PAH: variants seen among roughly 807,000 people sequenced by gnomAD.
The protein encoded by PAH is phenylalanine hydroxylase, also known as phenylalanine-4-hydroxylase.
Under a neutral mutation model 62.0 loss-of-function variants are expected in PAH, and 64 were observed. The observed-to-expected ratio is 1.03, with a 90% CI of 0.84 to 1.27. The LOEUF (loss-of-function observed/expected upper bound fraction) is 1.27, where lower values mean the gene tolerates loss of function less well. Ranked by LOEUF, PAH falls within the 50% of genes most tolerant of loss-of-function variation. The pLI is 0.00. For synonymous variants in PAH, 195 were observed against 196.2 expected (o/e 0.99, Z 0.05); for missense variants, 579 against 542.8 (o/e 1.07, Z -0.66).
chr12:102,899,634 C>T (rs969004630), intron 2 of PAH, among the ~76,000 whole-genome samples: 13 of 151,100 alleles, frequency 8.6e-5, no homozygotes, highest in Admixed American at 5.3e-4. Flanking sequence ...CCGAGGCGGG[C>T]GGATCACGAG....
chr12:102,922,195 CTTT>C (rs550531972), upstream of PAH, among the ~76,000 whole-genome samples: 1 of 124,956 alleles, frequency 8.0e-6, no homozygotes. Context: ...TAAATCTTGC[CTTT>C]TTTTTTTTTT....
intron 4 of PAH, among the ~76,000 whole-genome samples, chr12:102,875,330 T>C (rs900503970): frequency 8.5e-5 from 13 of 152,190 alleles, no homozygotes; most frequent in African/African-American, 3.1e-4. Context: ...TGTCCATCTC[T>C]TTGCATTGGA....
chr12:102,925,718 CT>C (rs565471135), intron 1 of PAH, among the ~76,000 whole-genome samples: 33 of 152,226 alleles, frequency 2.2e-4, no homozygotes, highest in African/African-American at 7.9e-4. Context: ...ACCCAGAAAT[CT>C]AAAGATCAGC....
chr12:102,919,870 C>T (rs1448190112), upstream of PAH, among the ~76,000 whole-genome samples: 1 of 152,122 alleles, frequency 6.6e-6, no homozygotes, highest in Non-Finnish European at 1.5e-5. Context: ...GGGTTGCTTC[C>T]AGATCTTGGC....
At chr12:102,939,957 G>A (rs1194635112) in intron 1 of PAH, among the ~76,000 whole-genome samples, 1 of 152,188 alleles carries the variant, frequency 6.6e-6, no homozygotes, top group Non-Finnish European at 1.5e-5. Flanking sequence ...CTGAGAGGAT[G>A]GAGGCAAGCA....
At chr12:102,851,813 C>T in intron 7 of PAH, 57 bp from the exon 8 acceptor site, 1 of 1,298,242 alleles carries the variant, frequency 7.7e-7, no homozygotes, top group Non-Finnish European at 1.1e-6. Context: ...CCAAGCCAGA[C>T]TCAGTCTTTC....
At chr12:102,935,680 ACAGTT>A (rs1378785635) in intron 1 of PAH, among the ~76,000 whole-genome samples, 1 of 144,152 alleles carries the variant, frequency 6.9e-6, no homozygotes, top group East Asian at 1.9e-4. Context: ...TTAGTGGTGT[ACAGTT>A]GCTCATTGTA....
chr12:102,941,702 G>A (rs561867378), intron 1 of PAH, among the ~76,000 whole-genome samples: 2 of 152,060 alleles, frequency 1.3e-5, no homozygotes, highest in South Asian at 2.1e-4. Flanking sequence ...CACAAAAATA[G>A]CAGGAAACTA....
chr12:102,895,869 A>AAAAAAAAAATATATATAT (rs953209518), intron 2 of PAH, among the ~76,000 whole-genome samples: 12 of 118,714 alleles, frequency 1.0e-4, no homozygotes, highest in African/African-American at 3.9e-4. Flanking sequence ...AAAAAAAAAA[A>AAAAAAAAAATATATATAT]ATATATATAT....
In PAH at chr12:102,852,816, G is replaced by A. The variant is rs199475654; in HGVS notation, c.841C>T (p.Pro281Ser). 1 of 1,614,044 alleles carries A rather than the reference G, an allele frequency of 6.2e-7. No individual in the cohort carries two copies. Among genetic ancestry groups the A allele is most frequent in the Non-Finnish European group, 8.5e-7 (1 of 1,179,918 alleles). ...HGSKPMYTPE[P>S]DICHELLGHV... ...TGGTAGCTGGAGGACAGTACTCACGGTTCGGGGGTATACATGGGCTTGGAT... is the reference window on the plus strand; with the variant it reads ...TGGTAGCTGGAGGACAGTACTCACGATTCGGGGGTATACATGGGCTTGGAT... The change falls in exon 7 of 13, where the codon CCT becomes TCT. Residue 281 changes from proline (P) to serine (S), a missense_variant and splice_region_variant. Coordinates refer to ENST00000553106, the MANE Select transcript of PAH (RefSeq NM_000277.3).
At chr12:102,850,576 G>C (rs1254026102) in intron 8 of PAH, among the ~76,000 whole-genome samples, 2 of 152,184 alleles carry the variant, frequency 1.3e-5, no homozygotes, top group Non-Finnish European at 2.9e-5. Context: ...AAGATGACTG[G>C]TGGAGAGGGC....
At chr12:102,911,874 G>C (rs1878213690) in intron 2 of PAH, among the ~76,000 whole-genome samples, 1 of 152,196 alleles carries the variant, frequency 6.6e-6, no homozygotes, top group African/African-American at 2.4e-5. Context: ...CAATCAGCTA[G>C]AGAGGTCACA....
chr12:102,845,493 G>A (rs1239817107), intron 9 of PAH, among the ~76,000 whole-genome samples: 1 of 152,126 alleles, frequency 6.6e-6, no homozygotes, highest in East Asian at 1.9e-4. Context: ...GTCAACTACT[G>A]CATTTATGCA....
At chr12:102,947,812 C>T (rs35438352) in intron 1 of PAH, among the ~76,000 whole-genome samples, 14,014 of 152,204 alleles carry the variant, frequency 0.092, 887 homozygotes, top group Admixed American at 0.22. Context: ...AAGAAATTAG[C>T]TCGTGTGGTT....
At chr12:102,929,955 G>T (rs1157580619) in intron 1 of PAH, among the ~76,000 whole-genome samples, 1 of 152,106 alleles carries the variant, frequency 6.6e-6, no homozygotes, top group Non-Finnish European at 1.5e-5. Flanking sequence ...TCATTGAGAA[G>T]ATATCTCTGG....
At chr12:102,890,323 C>T (rs1721804777) in intron 3 of PAH, among the ~76,000 whole-genome samples, 1 of 152,142 alleles carries the variant, frequency 6.6e-6, no homozygotes, top group African/African-American at 2.4e-5. Context: ...TTCAGATCTA[C>T]TACAATGCTT....
At chr12:102,873,261 T>C (rs1401206505) in intron 4 of PAH, among the ~76,000 whole-genome samples, 1 of 152,184 alleles carries the variant, frequency 6.6e-6, no homozygotes, top group Non-Finnish European at 1.5e-5. Flanking sequence ...GTGACTGAGC[T>C]CTACTCAATG....
chr12:102,889,266 T>A (rs545028808), intron 3 of PAH, among the ~76,000 whole-genome samples: 292 of 152,252 alleles, frequency 1.9e-3, no homozygotes, highest in African/African-American at 6.9e-3. Context: ...TCAGCTTTAC[T>A]CAGCACAGTT....
Position 102,886,757 on chromosome 12 carries a change from T to C in PAH, c.352+7978A>G, listed in dbSNP as rs76619960. 8.2e-3 allele frequency among the ~76,000 whole-genome samples: 1,253 copies of C among 152,238 alleles called. 21 individuals carry two copies. The highest frequency in any genetic ancestry group is 0.029 in the African/African-American group (1,199 of 41,526). On this transcript the variant is annotated intron_variant, in intron 3 of 12. Transcript: ENST00000553106. The stretch of plus-strand genomic sequence containing the variant: ...CTGAGGCATGCCATCTTCTCTATCA[T>C]TGCCATGTATTATGCCATGTAGCCA...
Sources: gnomAD v4.1 joint callset for allele counts (sites outside exome capture counted in the v4.1 genomes callset) on GRCh38, gnomAD v4.1.1 for gene constraint, MANE v1.5 for transcripts, NCBI Gene and HGNC (gene_info 2026-07-23, HGNC 2026-07-21) for gene names.